Variants in PRELID2 observed in about 807,000 individuals in gnomAD.
PRELID2 encodes the protein PRELI domain-containing protein 2.
Under a neutral mutation model 28.4 loss-of-function variants are expected in PRELID2, and 25 were observed. That is an observed-to-expected ratio of 0.88 (90% CI 0.64 to 1.23). The LOEUF (loss-of-function observed/expected upper bound fraction) is 1.23. PRELID2 is among the 50% of genes most tolerant of loss of function. PRELID2 has a pLI of 0.00. For synonymous variants in PRELID2, 76 were observed against 71.6 expected (o/e 1.06, Z -0.31); for missense variants, 201 against 214.4 (o/e 0.94, Z 0.39).
chr5:145,637,747 T>A (rs1017816712), intron 1 of PRELID2, among the ~76,000 whole-genome samples: 2 of 151,766 alleles, frequency 1.3e-5, no homozygotes, highest in South Asian at 2.1e-4. Flanking sequence ...ACATGGGAAG[T>A]GGGAAAACCA....
At chr5:145,441,540 A>C in the PRELID2 span, among the ~76,000 whole-genome samples, 1 of 152,116 alleles carries the variant, frequency 6.6e-6, no homozygotes, top group Admixed American at 6.6e-5. Context: ...CATTGAAATT[A>C]TATTATCATA....
chr5:145,567,500 C>T (rs1752977578), intron 1 of PRELID2, among the ~76,000 whole-genome samples: 1 of 152,136 alleles, frequency 6.6e-6, no homozygotes, highest in African/African-American at 2.4e-5. Context: ...GCCTCAGCCT[C>T]CCAAGTAGCT....
chr5:145,683,599 C>T (rs1210764944), intron 1 of PRELID2, among the ~76,000 whole-genome samples: 2 of 152,136 alleles, frequency 1.3e-5, no homozygotes, highest in Admixed American at 6.5e-5. Context: ...CTCTGCATAT[C>T]TACATTTCCT....
intron 1 of PRELID2, among the ~76,000 whole-genome samples, chr5:145,824,637 C>T (rs1755060021): frequency 6.6e-6 from 1 of 152,014 alleles, no homozygotes. Context: ...ATGCCTGGCA[C>T]ATAAAAAGCA....
chr5:145,296,865 C>G, the PRELID2 span, among the ~76,000 whole-genome samples: 1 of 152,156 alleles, frequency 6.6e-6, no homozygotes, highest in Non-Finnish European at 1.5e-5. Flanking sequence ...TGTTTCCTGA[C>G]TTTTTAATGA....
At chr5:145,826,236 AAATAT>A in intron 1 of PRELID2, 1 of 942,964 alleles carries the variant, frequency 1.1e-6, no homozygotes, top group Middle Eastern at 5.4e-4. Context: ...TTTCTGCTAT[AAATAT>A]AATAGTGTAA....
At chr5:145,371,332 G>A in the PRELID2 span, among the ~76,000 whole-genome samples, 4 of 152,208 alleles carry the variant, frequency 2.6e-5, no homozygotes, top group East Asian at 7.7e-4. Flanking sequence ...AAGGGATATT[G>A]AATTTTATCA....
chr5:145,417,203 A>C, the PRELID2 span, among the ~76,000 whole-genome samples: 11 of 152,130 alleles, frequency 7.2e-5, no homozygotes, highest in Admixed American at 7.2e-4. Context: ...ACCAGGAAGA[A>C]ATTGAATCCC....
At chr5:145,492,186 T>C (rs1051206050) in intron 1 of PRELID2, among the ~76,000 whole-genome samples, 2 of 152,204 alleles carry the variant, frequency 1.3e-5, no homozygotes, top group Non-Finnish European at 2.9e-5. Flanking sequence ...CTCCACATTA[T>C]CTCCAACACT....
chr5:145,606,693 C>T (rs1305589690), intron 1 of PRELID2, among the ~76,000 whole-genome samples: 1 of 151,938 alleles, frequency 6.6e-6, no homozygotes, highest in Non-Finnish European at 1.5e-5. Flanking sequence ...ATTTTTGCAT[C>T]GATGTTCATC....
intron 1 of PRELID2, among the ~76,000 whole-genome samples, chr5:145,831,974 T>C (rs181549902): frequency 6.6e-6 from 1 of 152,136 alleles, no homozygotes; most frequent in Admixed American, 6.5e-5. Context: ...ATTGTGAAAA[T>C]TAAAAGCCTG....
At chr5:145,308,698 T>C in the PRELID2 span, among the ~76,000 whole-genome samples, 1 of 152,182 alleles carries the variant, frequency 6.6e-6, no homozygotes. Flanking sequence ...TGAGGAACTC[T>C]AGTTGAGCCT....
intron 1 of PRELID2, among the ~76,000 whole-genome samples, chr5:145,692,807 A>G (rs897223339): frequency 6.6e-5 from 10 of 152,320 alleles, no homozygotes; most frequent in African/African-American, 2.2e-4. Context: ...AATGTTAAGT[A>G]TACAGATTTG....
chr5:145,688,801 C>A (rs1204664041), intron 1 of PRELID2, among the ~76,000 whole-genome samples: 1 of 152,156 alleles, frequency 6.6e-6, no homozygotes, highest in Non-Finnish European at 1.5e-5. Flanking sequence ...AAGGTATGGA[C>A]CTTCTTCTAA....
At chr5:145,689,428 A>G (rs563568301) in intron 1 of PRELID2, among the ~76,000 whole-genome samples, 333 of 152,358 alleles carry the variant, frequency 2.2e-3, no homozygotes, top group African/African-American at 7.6e-3. Flanking sequence ...CTAGTTTCAC[A>G]TCTTCTTCCA....
At chr5:145,503,682 T>C (rs1458087317) in intron 1 of PRELID2, among the ~76,000 whole-genome samples, 8 of 152,192 alleles carry the variant, frequency 5.3e-5, no homozygotes, top group African/African-American at 1.4e-4. Flanking sequence ...ATATTAATTG[T>C]TTCCATGATC....
At chr5:145,496,517 G>A (rs574827208) in intron 1 of PRELID2, among the ~76,000 whole-genome samples, 8 of 152,278 alleles carry the variant, frequency 5.3e-5, no homozygotes, top group South Asian at 2.1e-4. Context: ...GGATTGGCCA[G>A]CAAGTTAGGA....
intron 1 of PRELID2, among the ~76,000 whole-genome samples, chr5:145,743,382 G>T (rs1449330877): frequency 3.7e-5 from 5 of 136,618 alleles, no homozygotes; most frequent in African/African-American, 1.1e-4. Context: ...TTGTACTCCA[G>T]ACTGGGCAAT....
the PRELID2 span, among the ~76,000 whole-genome samples, chr5:145,454,774 CTTCTT>C: frequency 5.3e-5 from 8 of 152,094 alleles, no homozygotes; most frequent in African/African-American, 1.9e-4. Context: ...ACATAAATGT[CTTCTT>C]TTGAGAAGTG....
Sources: gnomAD v4.1 joint callset for allele counts (sites outside exome capture counted in the v4.1 genomes callset) on GRCh38, gnomAD v4.1.1 for gene constraint, MANE v1.5 for transcripts, NCBI Gene and HGNC (gene_info 2026-07-23, HGNC 2026-07-21) for gene names.